ANKRD6: variants seen among roughly 807,000 people sequenced by gnomAD.
ANKRD6 encodes the protein ankyrin repeat domain 6, also known as ankyrin repeat domain-containing protein 6.
Under a neutral mutation model 82.3 loss-of-function variants are expected in ANKRD6, and 56 were observed. The ratio of observed to expected loss-of-function variants is 0.68; its 90% confidence interval spans 0.55 to 0.85. ANKRD6 has a LOEUF of 0.85. Ranked by LOEUF, ANKRD6 falls within the 40% of genes least tolerant of loss-of-function variation. The pLI is 0.00. For missense variants in ANKRD6, 852 were observed against 907.6 expected (o/e 0.94, Z 0.79); for synonymous variants, 347 against 352.1 (o/e 0.99, Z 0.16).
rs1187022880 is a variant in ANKRD6 at position 89,633,140 on chromosome 6, G to A, written c.*2136G>A. On this transcript the variant is annotated 3_prime_UTR_variant, in exon 16 of 16. Coordinates refer to ENST00000339746, the MANE Select transcript of ANKRD6 (RefSeq NM_001242809.2). ...CACAGGGAAGAGACTACAGAAGAAT[G>A]AGAAGGGTCAAAAGGACCTAGTGTG... The A allele has an allele frequency of 1.3e-5, 2 of 152,170 alleles. No individual in the cohort carries two copies. Among genetic ancestry groups the A allele is most frequent in the Non-Finnish European group, 2.9e-5 (2 of 68,036 alleles). 9.4% of individuals were successfully genotyped at this position (152,170 alleles called of 1,614,324 possible). A position where few individuals can be genotyped will look rare whatever the true frequency, so the allele number is the denominator to read the frequency against.
intron 1 of ANKRD6, among the ~76,000 whole-genome samples, chr6:89,519,593 A>G (rs1781648683): frequency 6.6e-6 from 1 of 152,242 alleles, no homozygotes; most frequent in Non-Finnish European, 1.5e-5. Flanking sequence ...GAAGACATCC[A>G]TGTGGAAATA....
intron 1 of ANKRD6, among the ~76,000 whole-genome samples, chr6:89,498,642 G>A (rs1778922907): frequency 6.6e-6 from 1 of 152,140 alleles, no homozygotes; most frequent in Admixed American, 6.6e-5. Flanking sequence ...CTTGAAACCT[G>A]CTATGCAGAG....
intron 1 of ANKRD6, among the ~76,000 whole-genome samples, chr6:89,505,215 G>A (rs958854649): frequency 1.3e-5 from 2 of 152,200 alleles, no homozygotes; most frequent in African/African-American, 4.8e-5. Flanking sequence ...TGCACCATCT[G>A]TGCAATTTCA....
chr6:89,589,047 C>T (rs888843678), intron 2 of ANKRD6, among the ~76,000 whole-genome samples: 1 of 151,270 alleles, frequency 6.6e-6, no homozygotes, highest in African/African-American at 2.4e-5. Context: ...AAGCACCACA[C>T]CTTTCCTTCT....
At chr6:89,479,455 C>A (rs7767872) in intron 1 of ANKRD6, among the ~76,000 whole-genome samples, 1 of 152,086 alleles carries the variant, frequency 6.6e-6, no homozygotes, top group Non-Finnish European at 1.5e-5. Flanking sequence ...GCTTTCCTGG[C>A]TCATTGAATC....
chr6:89,594,572 T>A (rs1184242815), intron 2 of ANKRD6, among the ~76,000 whole-genome samples: 1 of 152,148 alleles, frequency 6.6e-6, no homozygotes. Flanking sequence ...AATACCAAAT[T>A]TGAGAGAGTG....
intron 1 of ANKRD6, among the ~76,000 whole-genome samples, chr6:89,559,279 C>A (rs1165936207): frequency 1.3e-5 from 2 of 152,200 alleles, no homozygotes; most frequent in African/African-American, 2.4e-5. Flanking sequence ...GACCACTCTG[C>A]CTTTTTGCTC....
intron 1 of ANKRD6, among the ~76,000 whole-genome samples, chr6:89,531,060 A>G (rs572715846): frequency 6.6e-6 from 1 of 152,234 alleles, no homozygotes; most frequent in Non-Finnish European, 1.5e-5. Context: ...AGTTGTAAGT[A>G]AAGGATACAT....
rs531309040 is a variant in ANKRD6 at position 89,523,970 on chromosome 6, A to G, written c.-143-42864A>G. Among the ~76,000 whole-genome samples, 21 of 152,230 alleles carry G rather than the reference A, an allele frequency of 1.4e-4. No individual in the cohort carries two copies. The Middle Eastern group carries it at 0.017, about 123-fold the overall frequency. On this transcript the variant is annotated intron_variant, in intron 1 of 15. Coordinates refer to ENST00000339746, the MANE Select transcript of ANKRD6 (RefSeq NM_001242809.2). ...CATGTTCCTATAATAAATTGAACTC[A>G]TATGCAATTGGCTAAAAGGTGAATG...
At chr6:89,557,562 G>C (rs191391777) in intron 1 of ANKRD6, among the ~76,000 whole-genome samples, 4 of 152,242 alleles carry the variant, frequency 2.6e-5, no homozygotes, top group Non-Finnish European at 5.9e-5. Flanking sequence ...TGGCAATTAC[G>C]TCAATGTAAA....
At chr6:89,625,040 T>C (rs1200944934) in intron 13 of ANKRD6, among the ~76,000 whole-genome samples, 4 of 152,150 alleles carry the variant, frequency 2.6e-5, no homozygotes, top group Non-Finnish European at 4.4e-5. Context: ...CCCAGCACTT[T>C]GGGAAGCCAA....
chr6:89,496,705 G>A (rs1409663667), intron 1 of ANKRD6, among the ~76,000 whole-genome samples: 1 of 152,036 alleles, frequency 6.6e-6, no homozygotes, highest in African/African-American at 2.4e-5. Context: ...TGTATTTTTA[G>A]TAGAGATGGG....
intron 1 of ANKRD6, among the ~76,000 whole-genome samples, chr6:89,564,308 T>G (rs4995623): frequency 6.6e-6 from 1 of 152,266 alleles, no homozygotes; most frequent in Non-Finnish European, 1.5e-5. Context: ...CTTAAGTAGC[T>G]GTAACTGAAA....
chr6:89,516,864 A>G (rs1036566589), intron 1 of ANKRD6, among the ~76,000 whole-genome samples: 1 of 151,876 alleles, frequency 6.6e-6, no homozygotes, highest in African/African-American at 2.4e-5. Context: ...GTGAGAATAA[A>G]TTTGTTTTTG....
chr6:89,581,194 A>T (rs778131871), intron 2 of ANKRD6, among the ~76,000 whole-genome samples: 2 of 152,122 alleles, frequency 1.3e-5, no homozygotes, highest in Non-Finnish European at 2.9e-5. Flanking sequence ...AATTGGCTTA[A>T]CCAATCCCCT....
chr6:89,629,884 G>A (rs1183246571), intron 15 of ANKRD6, among the ~76,000 whole-genome samples: 1 of 152,150 alleles, frequency 6.6e-6, no homozygotes, highest in Non-Finnish European at 1.5e-5. Context: ...ACAACATGGG[G>A]AAACATCCCA....
rs555055707 is a variant in ANKRD6, at chr6:89,630,472, C to T, written c.1652C>T (p.Ala551Val). Residue 551 changes from alanine (A) to valine (V), a missense_variant, in exon 16 of 16, where the codon GCT becomes GTT. Physicochemically the swap from Ala to Val is moderately conservative, Grantham distance 64 (BLOSUM62 0). Transcript: ENST00000339746. ...GTGGTGACTGCAGGTCCAGCAGCAGCTTCCGACAGCTCCCCTCCAGTGGTT... is the reference window on the plus strand; with the variant it reads ...GTGGTGACTGCAGGTCCAGCAGCAGTTTCCGACAGCTCCCCTCCAGTGGTT... ...QLVVTAGPAA[A>V]SDSSPPVVRP... 4 of 1,613,888 alleles carry T rather than the reference C, an allele frequency of 2.5e-6. No homozygotes were observed. In the African/African-American group the frequency reaches 4.0e-5, roughly 16 times the overall value.
intron 2 of ANKRD6, among the ~76,000 whole-genome samples, chr6:89,581,798 C>T (rs1038844853): frequency 3.3e-5 from 5 of 152,186 alleles, no homozygotes; most frequent in African/African-American, 4.8e-5. Context: ...CCAAGTATTC[C>T]AGTGTGTTGT....
intron 2 of ANKRD6, among the ~76,000 whole-genome samples, chr6:89,583,334 G>A (rs1792998839): frequency 6.6e-6 from 1 of 152,202 alleles, no homozygotes; most frequent in African/African-American, 2.4e-5. Flanking sequence ...GGAAATAAAT[G>A]TCTCAAATAT....
Sources: gnomAD v4.1 joint callset for allele counts (sites outside exome capture counted in the v4.1 genomes callset) on GRCh38, gnomAD v4.1.1 for gene constraint, MANE v1.5 for transcripts, NCBI Gene and HGNC (gene_info 2026-07-23, HGNC 2026-07-21) for gene names.